The following MTA3 variants were observed in gnomAD, a reference collection of about 807,000 sequenced individuals.
The protein encoded by MTA3 is metastasis associated 1 family member 3.
In MTA3, 34 loss-of-function variants were observed where a neutral mutation model predicts 83.5. The ratio of observed to expected loss-of-function variants is 0.41; its 90% CI spans 0.31 to 0.54. The LOEUF (loss-of-function observed/expected upper bound fraction) is 0.54. Among genes scored for constraint, MTA3 ranks in the 20% least tolerant of loss-of-function variants. MTA3 has a pLI of 0.33. For missense variants in MTA3, 761 were observed against 726.4 expected, an observed-to-expected ratio of 1.05 and a Z score of -0.55; for synonymous variants, 303 against 252.7, an observed-to-expected ratio of 1.20 and a Z score of -1.89.
At chr2:42,592,809 G>A (rs913074592) in intron 3 of MTA3, among the ~76,000 whole-genome samples, 1 of 152,048 alleles carries the variant, frequency 6.6e-6, no homozygotes, top group African/African-American at 2.4e-5. Context: ...GTCTGGGGCT[G>A]TTTTACAGTT....
chr2:42,528,815 C>T (rs1675833229), intron 2 of MTA3, among the ~76,000 whole-genome samples: 1 of 152,176 alleles, frequency 6.6e-6, no homozygotes, highest in Non-Finnish European at 1.5e-5. Flanking sequence ...GGTCAACCCC[C>T]AGAACAAGAA....
intron 4 of MTA3, among the ~76,000 whole-genome samples, chr2:42,617,379 T>A (rs1685026291): frequency 6.6e-6 from 1 of 152,148 alleles, no homozygotes; most frequent in Admixed American, 6.6e-5. Context: ...TTTCTCTGAG[T>A]TTTCTTGCTA....
chr2:42,558,019 T>C (rs767643933), intron 2 of MTA3, among the ~76,000 whole-genome samples: 7 of 152,128 alleles, frequency 4.6e-5, no homozygotes, highest in Non-Finnish European at 8.8e-5. Context: ...TTGGTATTCA[T>C]TGGCCACCAC....
intron 2 of MTA3, among the ~76,000 whole-genome samples, chr2:42,508,155 T>C (rs1284388480): frequency 6.6e-6 from 1 of 151,984 alleles, no homozygotes; most frequent in East Asian, 1.9e-4. Flanking sequence ...CATTCCTTCT[T>C]GTCAGTCAAG....
chr2:42,526,667 C>T (rs1459901023), intron 2 of MTA3, among the ~76,000 whole-genome samples: 1 of 152,126 alleles, frequency 6.6e-6, no homozygotes, highest in African/African-American at 2.4e-5. Context: ...TGTGGTTAGG[C>T]ACCGTTCTAG....
intron 8 of MTA3, among the ~76,000 whole-genome samples, chr2:42,665,890 T>G (rs1690189258): frequency 6.6e-6 from 1 of 152,216 alleles, no homozygotes; most frequent in Non-Finnish European, 1.5e-5. Flanking sequence ...ATGCCAGGTC[T>G]GGTTCTGAGA....
At chr2:42,722,862 A>T (rs1419939722) in intron 15 of MTA3, 27 bp from the exon 16 acceptor site, 9 of 1,550,280 alleles carry the variant, frequency 5.8e-6, no homozygotes, top group East Asian at 2.4e-5. Context: ...CATGTTCTGA[A>T]TTGAGAAACC....
At chr2:42,717,751 T>G (rs1311473202) in intron 14 of MTA3, among the ~76,000 whole-genome samples, 1 of 152,212 alleles carries the variant, frequency 6.6e-6, no homozygotes, top group African/African-American at 2.4e-5. Context: ...ATTATTACTC[T>G]TGCAAATCCC....
intron 4 of MTA3, among the ~76,000 whole-genome samples, chr2:42,633,619 C>T (rs539809948): frequency 2.0e-5 from 3 of 148,572 alleles, no homozygotes; most frequent in South Asian, 2.2e-4. Flanking sequence ...TGGCTGGGCG[C>T]GGTGGCTCAT....
chr2:42,505,282 C>T (rs1239082799), intron 2 of MTA3, among the ~76,000 whole-genome samples: 1 of 152,104 alleles, frequency 6.6e-6, no homozygotes, highest in Non-Finnish European at 1.5e-5. Flanking sequence ...GTCCCAGCTA[C>T]TCAGGAGGCT....
intron 2 of MTA3, among the ~76,000 whole-genome samples, chr2:42,574,262 GC>G (rs1340969944): frequency 6.6e-6 from 1 of 150,932 alleles, no homozygotes; most frequent in Admixed American, 6.6e-5. Flanking sequence ...AGCCTCCTGA[GC>G]AGCTGGGATT....
intron 9 of MTA3, among the ~76,000 whole-genome samples, chr2:42,689,161 A>G (rs1692658185): frequency 6.6e-6 from 1 of 152,216 alleles, no homozygotes; most frequent in African/African-American, 2.4e-5. Flanking sequence ...GTTGAAAACA[A>G]CCAGTGTACC....
At chr2:42,497,221 C>CA (rs940188579) in intron 2 of MTA3, among the ~76,000 whole-genome samples, 40 of 145,494 alleles carry the variant, frequency 2.7e-4, no homozygotes, top group South Asian at 2.0e-3. Context: ...TAGAGGTTTT[C>CA]AAAAAAAAAC....
chr2:42,701,472 C>T (rs1412497792), intron 11 of MTA3, among the ~76,000 whole-genome samples: 2 of 151,316 alleles, frequency 1.3e-5, no homozygotes, highest in African/African-American at 4.9e-5. Flanking sequence ...TGGCACACAC[C>T]TGCAGTCCCA....
At chr2:42,494,699 C>G (rs1212045404) in exon 1 of MTA3, 1 of 152,306 alleles carries the variant, frequency 6.6e-6, no homozygotes, top group East Asian at 1.9e-4. Flanking sequence ...GAGATGCTGC[C>G]CTTAGAGTGG....
At chr2:42,710,068 G>C (rs1558608057) in intron 14 of MTA3, among the ~76,000 whole-genome samples, 1 of 152,170 alleles carries the variant, frequency 6.6e-6, no homozygotes, top group Non-Finnish European at 1.5e-5. Context: ...TGGCCTAACA[G>C]ATAGGAAATC....
intron 6 of MTA3, among the ~76,000 whole-genome samples, chr2:42,650,664 C>T (rs961887929): frequency 4.6e-5 from 7 of 152,008 alleles, no homozygotes; most frequent in Non-Finnish European, 1.0e-4. Flanking sequence ...CTCCTGACGT[C>T]GTGATCTGCC....
At chr2:42,547,595 C>A (rs904195263) in intron 2 of MTA3, among the ~76,000 whole-genome samples, 1 of 152,194 alleles carries the variant, frequency 6.6e-6, no homozygotes, top group African/African-American at 2.4e-5. Context: ...CCTCTCAAAG[C>A]GCTGGGATTA....
Position 42,570,521 on chromosome 2 carries a change from C to G in MTA3, c.96+17C>G, listed in dbSNP as rs752231642. 3.7e-6 allele frequency: 5 copies of G among 1,357,368 alleles called. No homozygotes were observed. The South Asian group carries it at 6.5e-5, about 18-fold the overall frequency. The allele number at this position is 1,357,368 out of a possible 1,614,324, so 84.1% of individuals were successfully genotyped here. On this transcript the variant is annotated intron_variant, in intron 2 of 16. Coordinates refer to ENST00000405094, the MANE Select transcript of MTA3 (RefSeq NM_001330442.2). ...CTCAACAAGGTATACACTGAGTGTTCTTAATTTTAATATTAAAAATATTTA... is the reference window on the plus strand; with the variant it reads ...CTCAACAAGGTATACACTGAGTGTTGTTAATTTTAATATTAAAAATATTTA...
Sources: gnomAD v4.1 joint callset for allele counts (sites outside exome capture counted in the v4.1 genomes callset) on GRCh38, gnomAD v4.1.1 for gene constraint, MANE v1.5 for transcripts, NCBI Gene and HGNC (gene_info 2026-07-23, HGNC 2026-07-21) for gene names.